SEMA6D: variants seen among roughly 807,000 people sequenced by gnomAD.
The protein encoded by SEMA6D is semaphorin-6D.
Under a neutral mutation model 106.6 loss-of-function variants are expected in SEMA6D, and 35 were observed. The observed-to-expected ratio is 0.33, with a 90% CI of 0.25 to 0.44. SEMA6D has a LOEUF of 0.44. SEMA6D is among the 20% of genes least tolerant of loss of function. The pLI, the probability that SEMA6D is intolerant of heterozygous loss-of-function variation, is 1.00. For synonymous variants in SEMA6D, 499 were observed against 487.7 expected, an observed-to-expected ratio of 1.02 and a Z score of -0.31; for missense variants, 1,185 against 1,345.9, an observed-to-expected ratio of 0.88 and a Z score of 1.87.
At chr15:47,674,192 C>T (rs1165358934) in intron 4 of SEMA6D, among the ~76,000 whole-genome samples, 3 of 152,116 alleles carry the variant, frequency 2.0e-5, no homozygotes, top group African/African-American at 7.2e-5. Context: ...ATGCTGTTGG[C>T]AACAGAATAT....
At chr15:47,644,473 C>T (rs1439656789) in intron 4 of SEMA6D, among the ~76,000 whole-genome samples, 1 of 152,154 alleles carries the variant, frequency 6.6e-6, no homozygotes, top group Non-Finnish European at 1.5e-5. Flanking sequence ...GAATGTGTCC[C>T]CTCAAAATGT....
intron 1 of SEMA6D, among the ~76,000 whole-genome samples, chr15:47,238,173 G>C (rs908606842): frequency 6.6e-6 from 1 of 152,058 alleles, no homozygotes; most frequent in African/African-American, 2.4e-5. Context: ...TTCATGAGAG[G>C]TTGCAGGAAG....
intron 1 of SEMA6D, among the ~76,000 whole-genome samples, chr15:47,204,140 G>A (rs1894894091): frequency 1.3e-5 from 2 of 152,064 alleles, no homozygotes; most frequent in Non-Finnish European, 2.9e-5. Context: ...AAGGTGATTT[G>A]TGAGGAACTA....
intron 2 of SEMA6D, among the ~76,000 whole-genome samples, chr15:47,441,942 A>C (rs570448005): frequency 6.6e-6 from 1 of 152,196 alleles, no homozygotes; most frequent in Non-Finnish European, 1.5e-5. Flanking sequence ...TTATAACTCA[A>C]TGAGATAATT....
chr15:47,315,614 G>T (rs1225048853), intron 1 of SEMA6D, among the ~76,000 whole-genome samples: 3 of 152,088 alleles, frequency 2.0e-5, no homozygotes, highest in Non-Finnish European at 4.4e-5. Context: ...TTTATAATTA[G>T]TTTGTCAACA....
At chr15:47,593,082 A>G (rs2076468437) in intron 3 of SEMA6D, among the ~76,000 whole-genome samples, 1 of 152,150 alleles carries the variant, frequency 6.6e-6, no homozygotes, top group Non-Finnish European at 1.5e-5. Context: ...TTTCAGAAGC[A>G]TTCATTACTT....
intron 3 of SEMA6D, among the ~76,000 whole-genome samples, chr15:47,530,315 C>T (rs2044915284): frequency 6.6e-6 from 1 of 152,196 alleles, no homozygotes; most frequent in South Asian, 2.1e-4. Context: ...GACAGAACAT[C>T]TAACTTGTGA....
chr15:47,261,484 C>T (rs1395736595), intron 1 of SEMA6D, among the ~76,000 whole-genome samples: 1 of 152,052 alleles, frequency 6.6e-6, no homozygotes, highest in African/African-American at 2.4e-5. Context: ...CATTTGGTCT[C>T]AGCTCTGTTT....
At chr15:47,415,776 C>T (rs1438218550) in intron 2 of SEMA6D, among the ~76,000 whole-genome samples, 1 of 152,188 alleles carries the variant, frequency 6.6e-6, no homozygotes, top group African/African-American at 2.4e-5. Context: ...TTTGCTGGAA[C>T]ATACCATAAT....
chr15:47,575,440 G>C (rs957401684), intron 3 of SEMA6D, among the ~76,000 whole-genome samples: 1 of 152,056 alleles, frequency 6.6e-6, no homozygotes, highest in African/African-American at 2.4e-5. Flanking sequence ...GGGCTGGCTA[G>C]TATAAGAAGT....
At chr15:47,594,276 G>C (rs552234512) in intron 3 of SEMA6D, among the ~76,000 whole-genome samples, 328 of 152,198 alleles carry the variant, frequency 2.2e-3, no homozygotes, top group African/African-American at 7.7e-3. Flanking sequence ...CTGGTCCCAG[G>C]TTTGGTTGGT....
intron 1 of SEMA6D, among the ~76,000 whole-genome samples, chr15:47,281,464 G>A (rs1212350712): frequency 4.0e-5 from 6 of 149,586 alleles, no homozygotes; most frequent in Non-Finnish European, 7.4e-5. Flanking sequence ...CACACTGATG[G>A]GTCTTGACTC....
chr15:47,763,894 T>C lies in SEMA6D; in HGVS notation c.792T>C (p.Gly264=). The C allele has an allele frequency of 9.3e-6, 15 of 1,613,778 alleles. No individual in the cohort carries two copies. The highest frequency in any genetic ancestry group is 1.3e-5 in the Non-Finnish European group (15 of 1,179,868). ...CCCGCATATGTAAAAACGACATGGG[T>C]GGTTCCCAGCGGGTCCTGGAGAAAC... The part of the protein sequence containing the change: ...RVARICKNDM[G]GSQRVLEKHW... The change falls in exon 10 of 19, where the codon GGT becomes GGC. Residue 264 remains glycine, a synonymous_variant. Transcript: ENST00000536845.
At chr15:47,667,127 A>G (rs1290194466) in intron 4 of SEMA6D, among the ~76,000 whole-genome samples, 1 of 152,164 alleles carries the variant, frequency 6.6e-6, no homozygotes, top group Non-Finnish European at 1.5e-5. Flanking sequence ...GAGCACAACC[A>G]AGCCCCTTCT....
At chr15:47,495,114 T>A (rs1042672122) in intron 3 of SEMA6D, among the ~76,000 whole-genome samples, 5 of 151,830 alleles carry the variant, frequency 3.3e-5, no homozygotes. Flanking sequence ...TGCCTCACCA[T>A]TTTCTTGTTA....
rs144396228 is a variant in SEMA6D, at chr15:47,650,128, C to T, written c.-55+49232C>T. Among the ~76,000 whole-genome samples the T allele has an allele frequency of 4.9e-3, 745 of 152,276 alleles. 2 individuals carry two copies. Among genetic ancestry groups the T allele is most frequent in the Admixed American group, 8.3e-3 (127 of 15,286 alleles). On this transcript the variant is annotated intron_variant, in intron 4 of 19. Coordinates refer to the SEMA6D transcript ENST00000558014. ...CATCAGATCTTATCCTCCCAGCAAT[C>T]CTGAGAAGAAGGTTCTAGTATTGGG... is the stretch of plus-strand genomic sequence containing the variant.
intron 4 of SEMA6D, among the ~76,000 whole-genome samples, chr15:47,657,881 C>G (rs1452824020): frequency 6.6e-6 from 1 of 150,982 alleles, no homozygotes; most frequent in Non-Finnish European, 1.5e-5. Flanking sequence ...GCTGGGACTA[C>G]AGGGACCCCC....
upstream of SEMA6D, among the ~76,000 whole-genome samples, chr15:47,715,749 T>C (rs1567010588): frequency 6.6e-6 from 1 of 152,208 alleles, no homozygotes; most frequent in South Asian, 2.1e-4. Context: ...TGTGGAATTT[T>C]AGCAAGGAAT....
intron 2 of SEMA6D, among the ~76,000 whole-genome samples, chr15:47,468,303 A>C (rs1409160652): frequency 6.6e-6 from 1 of 152,204 alleles, no homozygotes; most frequent in Admixed American, 6.6e-5. Flanking sequence ...CTGAATTAAC[A>C]GCATTAGCAG....
Sources: allele counts gnomAD v4.1 joint callset (sites outside exome capture counted in the v4.1 genomes callset), GRCh38; gene constraint gnomAD v4.1.1; transcripts MANE v1.5; gene names NCBI Gene and HGNC (gene_info 2026-07-23, HGNC 2026-07-21).